SLCO3A1: variants seen among roughly 807,000 people sequenced by gnomAD.
The protein encoded by SLCO3A1 is solute carrier organic anion transporter family member 3A1, also known as PGE1 transporter.
SLCO3A1 carries 27 observed loss-of-function variants against 63.1 expected under a neutral mutation model. The ratio of observed to expected loss-of-function variants is 0.43; its 90% CI spans 0.32 to 0.59. SLCO3A1 has a LOEUF of 0.59. Ranked by LOEUF, SLCO3A1 falls within the 20% of genes least tolerant of loss-of-function variation. The pLI is 0.09. For synonymous variants in SLCO3A1, 473 were observed against 409.9 expected, an observed-to-expected ratio of 1.15 and a Z score of -1.86; for missense variants, 773 against 945.8, an observed-to-expected ratio of 0.82 and a Z score of 2.40.
At chr15:91,868,305 G>T (rs1230250703) in intron 1 of SLCO3A1, among the ~76,000 whole-genome samples, 4 of 150,126 alleles carry the variant, frequency 2.7e-5, no homozygotes, top group African/African-American at 4.9e-5. Flanking sequence ...ACCTGGCTCG[G>T]CCTCACAAAG....
At chr15:92,034,291 C>A (rs1231331426) in intron 2 of SLCO3A1, among the ~76,000 whole-genome samples, 2 of 151,198 alleles carry the variant, frequency 1.3e-5, no homozygotes, top group Non-Finnish European at 3.0e-5. Context: ...TCCAGCATGA[C>A]CTGAGTAACT....
At chr15:91,981,853 T>A (rs140426254) in intron 2 of SLCO3A1, among the ~76,000 whole-genome samples, 9 of 152,364 alleles carry the variant, frequency 5.9e-5, no homozygotes, top group African/African-American at 2.2e-4. Flanking sequence ...CCAGTGAGTC[T>A]TGTCCCCTTA....
At position 91,896,202 on chromosome 15, in the gene SLCO3A1, G is replaced by A. The variant is rs543555486; in HGVS notation, c.181-19791G>A. Among the ~76,000 whole-genome samples the A allele has an allele frequency of 1.7e-3, 258 of 152,248 alleles. 1 individual carries two copies. The highest frequency in any genetic ancestry group is 6.0e-3 in the African/African-American group (250 of 41,544). Reference sequence around the variant, plus strand: ...TTAAAGCAGGGCCTTTTCCTGTGTTGGAAGAAATGCTCCCGGCATAAGCAT... The same window carrying A: ...TTAAAGCAGGGCCTTTTCCTGTGTTAGAAGAAATGCTCCCGGCATAAGCAT... On this transcript the variant is annotated intron_variant, in intron 1 of 9. Coordinates refer to ENST00000318445, the MANE Select transcript of SLCO3A1 (RefSeq NM_013272.4).
intron 2 of SLCO3A1, among the ~76,000 whole-genome samples, chr15:91,951,499 A>T (rs540601935): frequency 6.6e-6 from 1 of 151,890 alleles, no homozygotes; most frequent in Non-Finnish European, 1.5e-5. Flanking sequence ...GCTAATATGA[A>T]TAAGGCTCCT....
At chr15:92,096,433 T>A (rs1361415954) in intron 3 of SLCO3A1, among the ~76,000 whole-genome samples, 1 of 152,250 alleles carries the variant, frequency 6.6e-6, no homozygotes, top group African/African-American at 2.4e-5. Flanking sequence ...CAGCAGGGAC[T>A]TTAGGGGACC....
At chr15:92,147,740 T>C (rs2048247574) in intron 8 of SLCO3A1, among the ~76,000 whole-genome samples, 1 of 152,188 alleles carries the variant, frequency 6.6e-6, no homozygotes, top group Admixed American at 6.5e-5. Flanking sequence ...CGAAATTCTA[T>C]TGTTACCTGT....
chr15:92,146,279 A>G (rs192689790), intron 7 of SLCO3A1, among the ~76,000 whole-genome samples: 9 of 152,354 alleles, frequency 5.9e-5, no homozygotes, highest in Admixed American at 4.6e-4. Flanking sequence ...CAGCTGGGCT[A>G]GAATCCACCC....
intron 1 of SLCO3A1, among the ~76,000 whole-genome samples, chr15:91,873,127 A>G (rs994145585): frequency 1.3e-5 from 2 of 152,238 alleles, no homozygotes; most frequent in Non-Finnish European, 2.9e-5. Flanking sequence ...TTGTTCAACA[A>G]GCGATCATTT....
At position 91,862,442 on chromosome 15, in the gene SLCO3A1, C is replaced by T. The variant is rs796657996; in HGVS notation, c.180+8354C>T. ...ATTGGTTTTGGTTAAAATCTTTGCC[C>T]TCTGAAAATTCTGGGAACAGGCTGT... On this transcript the variant is annotated intron_variant, in intron 1 of 9. Transcript: ENST00000318445. This position sits in a 1 kb window ranked among gnomAD's most constrained non-coding sequence, Gnocchi z 4.0. Among the ~76,000 whole-genome samples the T allele has an allele frequency of 8.5e-5, 13 of 152,244 alleles. No homozygotes were observed. The highest frequency in any genetic ancestry group is 3.1e-4 in the African/African-American group (13 of 41,542).
At chr15:91,890,340 G>T (rs542800300) in intron 1 of SLCO3A1, among the ~76,000 whole-genome samples, 2 of 152,200 alleles carry the variant, frequency 1.3e-5, no homozygotes, top group East Asian at 3.9e-4. Flanking sequence ...TTTTAAGTAA[G>T]TTGCCTGGTC....
chr15:91,905,878 C>A (rs1461321563), intron 1 of SLCO3A1, among the ~76,000 whole-genome samples: 1 of 152,040 alleles, frequency 6.6e-6, no homozygotes, highest in Admixed American at 6.5e-5. Flanking sequence ...GTTTGGTCAC[C>A]AATTTGCTTG....
At chr15:91,989,302 G>C (rs977156177) in intron 2 of SLCO3A1, among the ~76,000 whole-genome samples, 1 of 152,022 alleles carries the variant, frequency 6.6e-6, no homozygotes, top group Non-Finnish European at 1.5e-5. Flanking sequence ...AGCCCTTAAC[G>C]TACTGTATTA....
intron 1 of SLCO3A1, among the ~76,000 whole-genome samples, chr15:91,866,262 T>A (rs890941623): frequency 3.9e-5 from 6 of 152,186 alleles, no homozygotes; most frequent in African/African-American, 1.4e-4. Context: ...AATATGTGTT[T>A]GTGTATTTAC....
Position 92,128,341 on chromosome 15 carries a change from T to C in SLCO3A1, c.1374-10T>C. 8 of 1,613,290 alleles carry C rather than the reference T, an allele frequency of 5.0e-6. 1 individual carries two copies. The highest frequency in any genetic ancestry group is 6.8e-6 in the Non-Finnish European group (8 of 1,179,746). On this transcript the variant is annotated splice_polypyrimidine_tract_variant and intron_variant, in intron 6 of 9. Transcript: ENST00000318445. ...TTTCTAATGGCTTCCGTGTTTCCTTTCTTTTCCAGCACAGCACCTGGCTCA... is the reference window on the plus strand; with the variant it reads ...TTTCTAATGGCTTCCGTGTTTCCTTCCTTTTCCAGCACAGCACCTGGCTCA...
chr15:92,027,629 T>C (rs1210714742), intron 2 of SLCO3A1, among the ~76,000 whole-genome samples: 1 of 152,218 alleles, frequency 6.6e-6, no homozygotes, highest in Non-Finnish European at 1.5e-5. Context: ...AGGATTGACA[T>C]TGGTCTGGAA....
rs11635002 is a variant in SLCO3A1 at position 91,974,268 on chromosome 15, A to G, written c.646+57810A>G. ...AACGGACACCATTTTCATTATTGTT[A>G]TTATTATTATTATTATTATTATTAT... On this transcript the variant is annotated intron_variant, in intron 2 of 9. Transcript: ENST00000318445. Among the ~76,000 whole-genome samples the G allele has an allele frequency of 5.5e-3, 455 of 83,086 alleles. 4 individuals carry two copies. The highest frequency in any genetic ancestry group is 0.013 in the African/African-American group (310 of 24,562). 54.5% of individuals were successfully genotyped at this position (83,086 alleles called of 152,430 possible). A position where few individuals can be genotyped will look rare whatever the true frequency, so the allele number is the denominator to read the frequency against.
chr15:92,107,708 G>T (rs930226066), intron 4 of SLCO3A1, among the ~76,000 whole-genome samples: 6 of 152,122 alleles, frequency 3.9e-5, no homozygotes, highest in African/African-American at 7.2e-5. Context: ...GACAGCAAAG[G>T]CCCCCTGATA....
At chr15:91,902,558 T>G (rs1898187069) in intron 1 of SLCO3A1, among the ~76,000 whole-genome samples, 1 of 152,050 alleles carries the variant, frequency 6.6e-6, no homozygotes, top group South Asian at 2.1e-4. Context: ...TCTGCCAACC[T>G]ACATGGGAGT....
chr15:91,955,355 CAG>C (rs36054953), intron 2 of SLCO3A1, among the ~76,000 whole-genome samples: 34,419 of 148,516 alleles, frequency 0.23, 4,418 homozygotes, highest in East Asian at 0.37. Flanking sequence ...TTTTTTGAAA[CAG>C]AGTCTCGCTC....
Sources: allele counts gnomAD v4.1 joint callset (sites outside exome capture counted in the v4.1 genomes callset), GRCh38; gene constraint gnomAD v4.1.1; non-coding constraint Gnocchi (gnomAD v3.1); transcripts MANE v1.5; gene names NCBI Gene and HGNC (gene_info 2026-07-23, HGNC 2026-07-21).